Variants in ROBO1 observed in about 807,000 individuals in gnomAD.
The protein encoded by ROBO1 is roundabout guidance receptor 1.
ROBO1 carries 149 observed loss-of-function variants against 195.9 expected under a neutral mutation model. The ratio of observed to expected loss-of-function variants is 0.76; its 90% confidence interval spans 0.67 to 0.87. The LOEUF is 0.87. Among genes scored for constraint, ROBO1 ranks in the 40% least tolerant of loss-of-function variants. The probability of loss-of-function intolerance (pLI) is 0.00; values close to 1 mark genes in which losing one functional copy is unlikely to be tolerated. For missense variants in ROBO1, 1,933 were observed against 2,068.3 expected, an observed-to-expected ratio of 0.93 and a Z score of 1.27; for synonymous variants, 816 against 733.2, an observed-to-expected ratio of 1.11 and a Z score of -1.82.
At chr3:79,517,656 A>T (rs1941008574) in intron 2 of ROBO1, among the ~76,000 whole-genome samples, 1 of 152,178 alleles carries the variant, frequency 6.6e-6, no homozygotes, top group South Asian at 2.1e-4. Context: ...TCTGGGTATA[A>T]GTAACATATA....
intron 4 of ROBO1, among the ~76,000 whole-genome samples, chr3:78,834,444 G>C (rs12330873): frequency 0.067 from 9,975 of 148,606 alleles, 1,038 homozygotes; most frequent in African/African-American, 0.23. Flanking sequence ...ACAAATATTA[G>C]AGCAGGCAAC....
At chr3:79,416,623 A>G (rs949045970) in intron 2 of ROBO1, among the ~76,000 whole-genome samples, 1 of 151,358 alleles carries the variant, frequency 6.6e-6, no homozygotes, top group Non-Finnish European at 1.5e-5. Context: ...AAAAACCGAA[A>G]GAAAGAAAGA....
rs184058363 is a variant in ROBO1 at position 79,045,408 on chromosome 3, C to A, written c.172+80048G>T. Reference sequence around the variant, plus strand: ...TAGCTTCAAAATTATCAAATTAACTCCACTTTATACAAAATTTTCCAGTTT... The same window carrying A: ...TAGCTTCAAAATTATCAAATTAACTACACTTTATACAAAATTTTCCAGTTT... On this transcript the variant is annotated intron_variant, in intron 3 of 30. Transcript: ENST00000464233. Among the ~76,000 whole-genome samples, 614 of 152,030 alleles carry A rather than the reference C, an allele frequency of 4.0e-3. 5 individuals are homozygous for A. The highest frequency in any genetic ancestry group is 0.014 in the African/African-American group (586 of 41,488).
At chr3:78,675,896 C>A (rs1708392727) in intron 10 of ROBO1, among the ~76,000 whole-genome samples, 1 of 152,068 alleles carries the variant, frequency 6.6e-6, no homozygotes, top group Admixed American at 6.6e-5. Flanking sequence ...GACCCCTGAC[C>A]CCCGAGCAGC....
intron 2 of ROBO1, among the ~76,000 whole-genome samples, chr3:79,291,179 T>C (rs1018694749): frequency 6.6e-6 from 1 of 152,128 alleles, no homozygotes; most frequent in African/African-American, 2.4e-5. Flanking sequence ...CCACTTAGAC[T>C]CAAAATTTGA....
At chr3:79,440,729 T>C (rs1180525170) in intron 2 of ROBO1, among the ~76,000 whole-genome samples, 1 of 152,160 alleles carries the variant, frequency 6.6e-6, no homozygotes, top group African/African-American at 2.4e-5. Context: ...ACATTTGTTT[T>C]GGTTGTTAAA....
chr3:78,689,577 G>A (rs2107846210), intron 8 of ROBO1, among the ~76,000 whole-genome samples: 1 of 151,604 alleles, frequency 6.6e-6, no homozygotes, highest in South Asian at 2.1e-4. Context: ...TCGGAAAAAT[G>A]TGCACAGAAT....
chr3:79,485,920 T>C (rs1456096138), intron 2 of ROBO1, among the ~76,000 whole-genome samples: 1 of 152,244 alleles, frequency 6.6e-6, no homozygotes, highest in East Asian at 1.9e-4. Flanking sequence ...CATATCCGAA[T>C]GTTTTCCTGT....
intron 1 of ROBO1, among the ~76,000 whole-genome samples, chr3:79,738,161 GTTC>G (rs1251133199): frequency 2.0e-5 from 3 of 152,208 alleles, no homozygotes; most frequent in South Asian, 4.1e-4. Context: ...TAATGGGGTG[GTTC>G]TTCTTTCAAT....
At chr3:79,254,932 C>T (rs2082800942) in intron 2 of ROBO1, among the ~76,000 whole-genome samples, 1 of 152,082 alleles carries the variant, frequency 6.6e-6, no homozygotes, top group Admixed American at 6.6e-5. Context: ...TGTTTATGCA[C>T]AGGGGTACAT....
intron 2 of ROBO1, among the ~76,000 whole-genome samples, chr3:79,345,013 G>A (rs2109240259): frequency 6.6e-6 from 1 of 152,278 alleles, no homozygotes; most frequent in East Asian, 1.9e-4. Context: ...ATGCAGAACT[G>A]TGAGTCAATT....
intron 29 of ROBO1, among the ~76,000 whole-genome samples, chr3:78,606,261 C>T (rs934587033): frequency 1.3e-5 from 2 of 152,162 alleles, no homozygotes; most frequent in African/African-American, 4.8e-5. Context: ...CAGTCTTGAC[C>T]TCCTGGGTGC....
chr3:79,720,449 C>G (rs1339674022), intron 1 of ROBO1, among the ~76,000 whole-genome samples: 1 of 152,188 alleles, frequency 6.6e-6, no homozygotes, highest in African/African-American at 2.4e-5. Flanking sequence ...CTGACTGGCA[C>G]CTCATGAGAG....
At chr3:78,857,334 T>C (rs879400305) in intron 4 of ROBO1, among the ~76,000 whole-genome samples, 2 of 152,210 alleles carry the variant, frequency 1.3e-5, no homozygotes, top group Non-Finnish European at 2.9e-5. Context: ...GTTAATCAGC[T>C]GTCTTAAAAA....
At chr3:79,134,705 G>T (rs1393392813) in intron 2 of ROBO1, among the ~76,000 whole-genome samples, 1 of 85,932 alleles carries the variant, frequency 1.2e-5, no homozygotes, top group Admixed American at 1.6e-4. Context: ...ATACTATGCA[G>T]CCATAAAAAA....
intron 2 of ROBO1, among the ~76,000 whole-genome samples, chr3:79,513,971 T>A (rs992335466): frequency 2.0e-5 from 3 of 152,178 alleles, no homozygotes; most frequent in South Asian, 2.1e-4. Context: ...ACTCAGAACT[T>A]CTTCTGACTA....
chr3:78,852,332 A>C (rs979189535), intron 4 of ROBO1, among the ~76,000 whole-genome samples: 3 of 152,202 alleles, frequency 2.0e-5, no homozygotes, highest in African/African-American at 4.8e-5. Context: ...TATCATTATA[A>C]GAGATTTCTC....
At chr3:79,487,509 C>T (rs907591418) in intron 2 of ROBO1, among the ~76,000 whole-genome samples, 9 of 152,254 alleles carry the variant, frequency 5.9e-5, no homozygotes, top group East Asian at 3.9e-4. Flanking sequence ...ACCACTGCGC[C>T]GAGCCAACTT....
intron 2 of ROBO1, among the ~76,000 whole-genome samples, chr3:79,214,777 T>C (rs2082025305): frequency 7.1e-6 from 1 of 141,118 alleles, no homozygotes; most frequent in African/African-American, 2.8e-5. Flanking sequence ...TATTATAGCA[T>C]ATATATATAT....
Sources: gnomAD v4.1 joint callset for allele counts (sites outside exome capture counted in the v4.1 genomes callset) on GRCh38, gnomAD v4.1.1 for gene constraint, MANE v1.5 for transcripts, NCBI Gene and HGNC (gene_info 2026-07-23, HGNC 2026-07-21) for gene names.